RAB3C: variants seen among roughly 807,000 people sequenced by gnomAD.
RAB3C encodes ras-related protein Rab-3C.
A neutral mutation model predicts 26.4 loss-of-function variants in RAB3C; 17 were observed. That is an observed-to-expected ratio of 0.64 (90% CI 0.44 to 0.97). The LOEUF is 0.97. RAB3C is among the 50% of genes least tolerant of loss of function. The pLI is 0.00. For missense variants in RAB3C, 242 were observed against 281.9 expected (o/e 0.86, Z 1.01); for synonymous variants, 91 against 95.9 (o/e 0.95, Z 0.30).
At chr5:58,758,761 T>G (rs1004094561) in intron 3 of RAB3C, among the ~76,000 whole-genome samples, 1 of 152,122 alleles carries the variant, frequency 6.6e-6, no homozygotes, top group African/African-American at 2.4e-5. Flanking sequence ...TAGAGGCCAG[T>G]GATTACTAAA....
At chr5:58,730,827 C>T (rs1237701332) in intron 3 of RAB3C, among the ~76,000 whole-genome samples, 1 of 152,122 alleles carries the variant, frequency 6.6e-6, no homozygotes, top group Non-Finnish European at 1.5e-5. Flanking sequence ...ATAATAAAGA[C>T]AGCCAAGACT....
At chr5:58,724,266 A>G (rs1388360345) in intron 2 of RAB3C, among the ~76,000 whole-genome samples, 1 of 151,354 alleles carries the variant, frequency 6.6e-6, no homozygotes, top group East Asian at 1.9e-4. Context: ...TGGAACCCTA[A>G]CAAGCATGCT....
At chr5:58,641,331 A>G (rs982894688) in intron 2 of RAB3C, among the ~76,000 whole-genome samples, 4 of 152,200 alleles carry the variant, frequency 2.6e-5, no homozygotes, top group African/African-American at 9.7e-5. Context: ...CCACTTACGA[A>G]GGAGAAAACA....
chr5:58,745,293 G>T (rs1741374562), intron 3 of RAB3C, among the ~76,000 whole-genome samples: 1 of 150,210 alleles, frequency 6.7e-6, no homozygotes, highest in Non-Finnish European at 1.5e-5. Context: ...AGCTACTTGG[G>T]AGGCTGAGGC....
At chr5:58,697,812 T>C (rs545677741) in intron 2 of RAB3C, among the ~76,000 whole-genome samples, 1 of 152,318 alleles carries the variant, frequency 6.6e-6, no homozygotes, top group South Asian at 2.1e-4. Context: ...TGAGCCTATG[T>C]GCGTCTTTGC....
intron 1 of RAB3C, among the ~76,000 whole-genome samples, chr5:58,583,950 C>A (rs897157195): frequency 6.6e-6 from 1 of 152,170 alleles, no homozygotes; most frequent in Non-Finnish European, 1.5e-5. Flanking sequence ...TGCAGAAGTA[C>A]CACTGCCTAA....
chr5:58,658,153 C>T (rs1401046785), intron 2 of RAB3C, among the ~76,000 whole-genome samples: 6 of 152,184 alleles, frequency 3.9e-5, no homozygotes, highest in South Asian at 2.1e-4. Context: ...TTGCCTATAT[C>T]GGGTCATTTA....
chr5:58,752,394 T>C (rs1741549836), intron 3 of RAB3C, among the ~76,000 whole-genome samples: 1 of 152,032 alleles, frequency 6.6e-6, no homozygotes, highest in African/African-American at 2.4e-5. Flanking sequence ...AGGAACATCC[T>C]TGAAAACAAA....
At chr5:58,645,525 A>G (rs1195405093) in intron 2 of RAB3C, among the ~76,000 whole-genome samples, 1 of 152,134 alleles carries the variant, frequency 6.6e-6, no homozygotes, top group Non-Finnish European at 1.5e-5. Flanking sequence ...CCACCTACCC[A>G]CCTACCCACC....
chr5:58,735,440 T>A (rs925740408), intron 3 of RAB3C, among the ~76,000 whole-genome samples: 1 of 152,310 alleles, frequency 6.6e-6, no homozygotes, highest in East Asian at 1.9e-4. Context: ...TGTAGAATTA[T>A]AATTCCCACC....
Position 58,701,672 on chromosome 5 carries a change from C to T in RAB3C, c.253-24330C>T, listed in dbSNP as rs1748844843. Among the ~76,000 whole-genome samples, 2 of 152,308 alleles carry T rather than the reference C, an allele frequency of 1.3e-5. 1 individual carries two copies. Among genetic ancestry groups the T allele is most frequent in the South Asian group, 4.1e-4 (2 of 4,828 alleles). ...AGGGGAGAATCCACTTCCTTGCCTT[C>T]TCCGGCATTCAGAGGCCACCTGCAT... is the stretch of plus-strand genomic sequence containing the variant. On this transcript the variant is annotated intron_variant, in intron 2 of 4. Transcript: ENST00000282878.
intron 2 of RAB3C, among the ~76,000 whole-genome samples, chr5:58,685,608 G>C (rs1748430315): frequency 6.6e-6 from 1 of 152,132 alleles, no homozygotes; most frequent in South Asian, 2.1e-4. Flanking sequence ...GCCTGCAACA[G>C]ATAATAACTT....
At chr5:58,676,990 C>T (rs1341301735) in intron 2 of RAB3C, among the ~76,000 whole-genome samples, 1 of 152,096 alleles carries the variant, frequency 6.6e-6, no homozygotes, top group Non-Finnish European at 1.5e-5. Flanking sequence ...CCTCACTCTT[C>T]TAGAGGCCAG....
At chr5:58,650,445 T>G (rs1747620385) in intron 2 of RAB3C, among the ~76,000 whole-genome samples, 1 of 152,094 alleles carries the variant, frequency 6.6e-6, no homozygotes, top group African/African-American at 2.4e-5. Context: ...AAATGTAAAA[T>G]TCTGGTTTTT....
intron 2 of RAB3C, among the ~76,000 whole-genome samples, chr5:58,672,902 T>G (rs1748148374): frequency 6.6e-6 from 1 of 152,320 alleles, no homozygotes; most frequent in African/African-American, 2.4e-5. Context: ...AAGAATAAAC[T>G]ATATATAATG....
intron 3 of RAB3C, among the ~76,000 whole-genome samples, chr5:58,738,430 C>A (rs745374871): frequency 2.0e-5 from 3 of 151,978 alleles, no homozygotes; most frequent in Non-Finnish European, 2.9e-5. Flanking sequence ...TGTGTGCATG[C>A]GTGTAACTCA....
chr5:58,592,528 A>G (rs1471084849), intron 1 of RAB3C, among the ~76,000 whole-genome samples: 3 of 152,168 alleles, frequency 2.0e-5, no homozygotes, highest in Admixed American at 6.5e-5. Context: ...TTTCTGGTAC[A>G]TAGTTTCTAT....
At chr5:58,618,991 C>A (rs1165322791) in intron 2 of RAB3C, among the ~76,000 whole-genome samples, 1 of 152,022 alleles carries the variant, frequency 6.6e-6, no homozygotes, top group Non-Finnish European at 1.5e-5. Flanking sequence ...AGGATTTTAA[C>A]TTTTTTAAAA....
intron 2 of RAB3C, among the ~76,000 whole-genome samples, chr5:58,648,386 C>A (rs1436176546): frequency 6.6e-6 from 1 of 152,158 alleles, no homozygotes; most frequent in African/African-American, 2.4e-5. Flanking sequence ...TGCTTAGTGT[C>A]TTCTCTTAGA....
Sources: gnomAD v4.1 joint callset for allele counts (sites outside exome capture counted in the v4.1 genomes callset) on GRCh38, gnomAD v4.1.1 for gene constraint, MANE v1.5 for transcripts, NCBI Gene and HGNC (gene_info 2026-07-23, HGNC 2026-07-21) for gene names.